LRP2: variants seen among roughly 807,000 people sequenced by gnomAD.
LRP2 encodes LDL receptor related protein 2, also known as low-density lipoprotein receptor-related protein 2.
A neutral mutation model predicts 531.0 loss-of-function variants in LRP2; 172 were observed. The observed-to-expected ratio is 0.32, with a 90% CI of 0.29 to 0.37. The LOEUF is 0.37. Ranked by LOEUF, LRP2 falls within the 10% of genes least tolerant of loss-of-function variation. LRP2 has a pLI of 1.00. For missense variants in LRP2, 5,167 were observed against 5,868.3 expected (o/e 0.88, Z 3.90); for synonymous variants, 1,992 against 2,027.6 (o/e 0.98, Z 0.47).
In LRP2 at chr2:169,271,040, G is replaced by A. The variant is rs1050064277; in HGVS notation, c.2184C>T (p.Thr728=). Residue 728 remains threonine (T), a synonymous_variant, in exon 16 of 79, where the codon ACC becomes ACT. Transcript: ENST00000649046. The part of the protein sequence containing the change: ...AIRGIPFTLS[T]QEDVMVPVSG... The stretch of plus-strand genomic sequence containing the variant: ...AAACTGGAACCATGACATCTTCCTG[G>A]GTAGACAAGGTGAACGGGATCCCAC... 1.9e-6 allele frequency: 3 copies of A among 1,612,970 alleles called. No homozygotes were observed. The highest frequency in any genetic ancestry group is 3.3e-5 in the Admixed American group (2 of 59,840).
intron 1 of LRP2, among the ~76,000 whole-genome samples, chr2:169,346,465 A>G (rs747764138): frequency 1.3e-5 from 2 of 152,228 alleles, no homozygotes; most frequent in East Asian, 1.9e-4. Context: ...ATAAAAACCA[A>G]TCATTTGACA....
At chr2:169,217,312 C>T (rs930059684) in intron 34 of LRP2, among the ~76,000 whole-genome samples, 1 of 152,138 alleles carries the variant, frequency 6.6e-6, no homozygotes, top group Non-Finnish European at 1.5e-5. Context: ...AATCAATATA[C>T]CCGTCCTTTG....
chr2:169,351,500 T>C (rs545907330), intron 1 of LRP2, among the ~76,000 whole-genome samples: 4 of 152,172 alleles, frequency 2.6e-5, no homozygotes, highest in Admixed American at 6.5e-5. Context: ...TCCAGAGTAA[T>C]AGGAGGAAAG....
At chr2:169,305,738 C>T (rs1010483396) in intron 4 of LRP2, among the ~76,000 whole-genome samples, 7 of 152,180 alleles carry the variant, frequency 4.6e-5, no homozygotes, top group African/African-American at 7.2e-5. Context: ...ATGGCTCTTT[C>T]GGTCAACGAC....
intron 2 of LRP2, among the ~76,000 whole-genome samples, chr2:169,319,381 G>T: frequency 6.6e-6 from 1 of 152,112 alleles, no homozygotes; most frequent in African/African-American, 2.4e-5. Flanking sequence ...TCATAAAATG[G>T]GGACTATACT....
intron 34 of LRP2, among the ~76,000 whole-genome samples, chr2:169,220,125 C>T (rs556638698): frequency 6.6e-6 from 1 of 152,230 alleles, no homozygotes; most frequent in Non-Finnish European, 1.5e-5. Flanking sequence ...TTACATAATC[C>T]CTTAGAGCTT....
At chr2:169,156,101 G>T (rs1686320845) in intron 65 of LRP2, among the ~76,000 whole-genome samples, 173 bp downstream of exon 65, 1 of 152,078 alleles carries the variant, frequency 6.6e-6, no homozygotes, top group Non-Finnish European at 1.5e-5. Flanking sequence ...GCTGGCAGGG[G>T]AGGAGAGAGA....
At position 169,182,152 on chromosome 2, in the gene LRP2, G is replaced by A. The variant is rs17848179; in HGVS notation, c.9998+15C>T. 44 of 1,613,922 alleles carry A rather than the reference G, an allele frequency of 2.7e-5. No individual in the cohort carries two copies. The East Asian group carries it at 8.7e-4, about 32-fold the overall frequency. Reference sequence around the variant, plus strand: ...GGAGGTGAAAGAAAAGCCCAGGATTGCAGGGAGACAATACCCATATTGAGG... The same window carrying A: ...GGAGGTGAAAGAAAAGCCCAGGATTACAGGGAGACAATACCCATATTGAGG... On this transcript the variant is annotated intron_variant, in intron 51 of 78. Coordinates refer to ENST00000649046, the MANE Select transcript of LRP2 (RefSeq NM_004525.3).
intron 1 of LRP2, among the ~76,000 whole-genome samples, chr2:169,331,907 ATT>A (rs1424846649): frequency 1.3e-5 from 2 of 152,228 alleles, no homozygotes; most frequent in Admixed American, 1.3e-4. Context: ...GAAAATGGAC[ATT>A]CATGAGAAAT....
At chr2:169,159,872 T>C (rs1686508856) in intron 63 of LRP2, among the ~76,000 whole-genome samples, 1 of 152,156 alleles carries the variant, frequency 6.6e-6, no homozygotes, top group African/African-American at 2.4e-5. Context: ...GAGTCAAGAA[T>C]TTCTGGACCA....
chr2:169,291,503 T>C (rs1221952610), intron 7 of LRP2, among the ~76,000 whole-genome samples: 1 of 152,204 alleles, frequency 6.6e-6, no homozygotes, highest in Non-Finnish European at 1.5e-5. Flanking sequence ...GCATTTCCCT[T>C]ATCATACCTG....
intron 16 of LRP2, among the ~76,000 whole-genome samples, chr2:169,261,667 A>T (rs972882806): frequency 3.9e-5 from 6 of 152,170 alleles, no homozygotes; most frequent in African/African-American, 1.4e-4. Context: ...CCAGAGGTAC[A>T]AGGAGGAACT....
chr2:169,213,884 A>G lies in LRP2; in HGVS notation c.5827-14T>C. 1 of 1,586,892 alleles carries G rather than the reference A, an allele frequency of 6.3e-7. No individual in the cohort carries two copies. Reference sequence around the variant, plus strand: ...TCCTCTTTCAATCTAAAGGATTGGAATTTTCATTAGTTTCATGGATTCATA... The same window carrying G: ...TCCTCTTTCAATCTAAAGGATTGGAGTTTTCATTAGTTTCATGGATTCATA... On this transcript the variant is annotated splice_polypyrimidine_tract_variant and intron_variant, in intron 35 of 78. Coordinates refer to ENST00000649046, the MANE Select transcript of LRP2 (RefSeq NM_004525.3).
intron 70 of LRP2, among the ~76,000 whole-genome samples, chr2:169,144,012 C>A (rs2284681): frequency 0.72 from 109,458 of 152,046 alleles, 39,903 homozygotes; most frequent in South Asian, 0.85. Context: ...ATGTGCTATC[C>A]ATCACCTGGG....
At chr2:169,209,416 A>T in intron 38 of LRP2, 37 bp downstream of exon 38, 1 of 1,591,878 alleles carries the variant, frequency 6.3e-7, no homozygotes, top group Non-Finnish European at 8.6e-7. Flanking sequence ...GATGACAGAG[A>T]TGCAAACATA....
intron 11 of LRP2, 152 bp from the exon 12 acceptor site, chr2:169,279,747 A>T: frequency 3.2e-6 from 2 of 622,026 alleles, no homozygotes; most frequent in Non-Finnish European, 5.6e-6. Flanking sequence ...TAAATAAATG[A>T]GAATCGTATT....
intron 14 of LRP2, among the ~76,000 whole-genome samples, chr2:169,274,288 CA>C (rs1243985424): frequency 1.3e-5 from 2 of 152,038 alleles, no homozygotes; most frequent in African/African-American, 4.8e-5. Flanking sequence ...GAAACATAAA[CA>C]AAGCTTATGA....
chr2:169,147,065 G>A, intron 68 of LRP2, 106 bp from the exon 69 acceptor site: 1 of 886,136 alleles, frequency 1.1e-6, no homozygotes, highest in Non-Finnish European at 1.8e-6. Context: ...TTATCTCAGG[G>A]ACCTGGGTGC....
At chr2:169,313,719 C>G (rs1684682099) in intron 3 of LRP2, among the ~76,000 whole-genome samples, 2 of 152,134 alleles carry the variant, frequency 1.3e-5, no homozygotes, top group South Asian at 2.1e-4. Flanking sequence ...GGGAGATCCA[C>G]TACTCTCTTC....
Sources: gnomAD v4.1 joint callset for allele counts (sites outside exome capture counted in the v4.1 genomes callset) on GRCh38, gnomAD v4.1.1 for gene constraint, MANE v1.5 for transcripts, NCBI Gene and HGNC (gene_info 2026-07-23, HGNC 2026-07-21) for gene names.